OXNAD1: variants seen among roughly 807,000 people sequenced by gnomAD.
OXNAD1 encodes the protein oxidoreductase NAD-binding domain-containing protein 1.
Under a neutral mutation model 32.9 loss-of-function variants are expected in OXNAD1, and 34 were observed. That is an observed-to-expected ratio of 1.03 (90% confidence interval 0.79 to 1.38). OXNAD1 has a LOEUF of 1.38. OXNAD1 is among the 40% of genes most tolerant of loss of function. The pLI, the probability that OXNAD1 is intolerant of heterozygous loss-of-function variation, is 0.00. For missense variants in OXNAD1, 407 were observed against 379.4 expected, an observed-to-expected ratio of 1.07 and a Z score of -0.60; for synonymous variants, 134 against 135.2, an observed-to-expected ratio of 0.99 and a Z score of 0.06.
intron 2 of OXNAD1, among the ~76,000 whole-genome samples, chr3:16,270,357 T>C (rs1311874797): frequency 2.0e-5 from 3 of 152,248 alleles, no homozygotes; most frequent in Non-Finnish European, 4.4e-5. Context: ...GTAGTTGCAG[T>C]TTGTTTTCAT....
At chr3:16,272,293 G>A (rs2065003110) in intron 4 of OXNAD1, 1 of 342,132 alleles carries the variant, frequency 2.9e-6, no homozygotes, top group African/African-American at 2.2e-5. Flanking sequence ...CAAGGGCTGA[G>A]AAATAAAGGA....
chr3:16,290,810 C>T lies in OXNAD1; in HGVS notation c.291-4046C>T, dbSNP rs2066380630. Among the ~76,000 whole-genome samples the T allele has an allele frequency of 2.0e-5, 3 of 152,124 alleles. No homozygotes were observed. On this transcript the variant is annotated intron_variant, in intron 5 of 8. Coordinates refer to ENST00000285083, the MANE Select transcript of OXNAD1 (RefSeq NM_138381.5). This position sits in a 1 kb window ranked among gnomAD's most constrained non-coding sequence, Gnocchi z 4.2. Reference sequence around the variant, plus strand: ...ACTGGAAATGTAAGGCCATAGACTGCAGGAGAATATTTTTTTAAGGTCATA... The same window carrying T: ...ACTGGAAATGTAAGGCCATAGACTGTAGGAGAATATTTTTTTAAGGTCATA...
In OXNAD1 at chr3:16,297,498, A is replaced by G. The variant is rs2066881165; in HGVS notation, c.432+2501A>G. ...ATATGACCCAGCAATACCACTTCTG[A>G]GTGTCTTAGAGAAATGAAGGCTATG... is the stretch of plus-strand genomic sequence containing the variant. On this transcript the variant is annotated intron_variant, in intron 6 of 8. Coordinates refer to ENST00000285083, the MANE Select transcript of OXNAD1 (RefSeq NM_138381.5). This position sits in a 1 kb window ranked among gnomAD's most constrained non-coding sequence, Gnocchi z 4.3. Among the ~76,000 whole-genome samples the G allele has an allele frequency of 6.6e-6, 1 of 152,336 alleles. No homozygotes were observed. The highest frequency in any genetic ancestry group is 1.9e-4 in the East Asian group (1 of 5,192).
At chr3:16,318,417 T>G (rs2068671226) in intron 9 of OXNAD1, among the ~76,000 whole-genome samples, 1 of 152,232 alleles carries the variant, frequency 6.6e-6, no homozygotes, top group Non-Finnish European at 1.5e-5. Context: ...GGAATGCAGT[T>G]GCACCATCAG....
At chr3:16,282,161 T>G in intron 4 of OXNAD1, among the ~76,000 whole-genome samples, 1 of 150,452 alleles carries the variant, frequency 6.6e-6, no homozygotes, top group South Asian at 2.1e-4. Context: ...TCTGTAAATG[T>G]AAGAAAAGGG....
chr3:16,293,693 A>G (rs1325725793), intron 5 of OXNAD1, among the ~76,000 whole-genome samples: 3 of 149,326 alleles, frequency 2.0e-5, no homozygotes, highest in Non-Finnish European at 3.0e-5. Context: ...CTCTAGTACA[A>G]TGTTGAGTTG....
chr3:16,330,384 A>G (rs2070190502), intron 9 of OXNAD1, among the ~76,000 whole-genome samples: 1 of 152,250 alleles, frequency 6.6e-6, no homozygotes, highest in South Asian at 2.1e-4. Context: ...CTAAAATACA[A>G]GATGAGCCTG....
At position 16,312,974 on chromosome 3, in the gene OXNAD1, T is replaced by G. The variant is rs1204120177; in HGVS notation, c.*30+9382T>G. On this transcript the variant is annotated intron_variant, in intron 9 of 9. Coordinates refer to the OXNAD1 transcript ENST00000435829. The surrounding 1 kb of genome is among the most constrained non-coding windows in gnomAD (Gnocchi z 4.7). ...TCTGTTAAGATGGGATATACTACGC[T>G]TCAGTAGCCAATAAATCTCAAAATC... is the stretch of plus-strand genomic sequence containing the variant. Among the ~76,000 whole-genome samples, 1 of 152,150 alleles carries G rather than the reference T, an allele frequency of 6.6e-6. No homozygotes were observed. The highest frequency in any genetic ancestry group is 1.5e-5 in the Non-Finnish European group (1 of 68,030).
At chr3:16,325,699 G>A (rs1356138772) in intron 9 of OXNAD1, among the ~76,000 whole-genome samples, 7 of 152,172 alleles carry the variant, frequency 4.6e-5, no homozygotes, top group Admixed American at 2.6e-4. Flanking sequence ...AAAAGTGGCC[G>A]CAGACTGGCT....
chr3:16,287,833 A>G lies in OXNAD1; in HGVS notation c.290+1385A>G, dbSNP rs1426269263. 6.6e-6 allele frequency among the ~76,000 whole-genome samples: 1 copy of G among 152,216 alleles called. No individual in the cohort carries two copies. The highest frequency in any genetic ancestry group is 2.4e-5 in the African/African-American group (1 of 41,454). On this transcript the variant is annotated intron_variant, in intron 5 of 8. Transcript: ENST00000285083. The surrounding 1 kb of genome is among the most constrained non-coding windows in gnomAD (Gnocchi z 4.8). The stretch of plus-strand genomic sequence containing the variant: ...ATAGAGTCCTACTGTGATTCTCAAG[A>G]TGAAATGATTTGGGATTGGTGTCAT...
In OXNAD1 at chr3:16,346,634, G is replaced by A. The variant is rs935905858; in HGVS notation, c.*31-2542G>A. On this transcript the variant is annotated intron_variant, in intron 9 of 9. Coordinates refer to the OXNAD1 transcript ENST00000606098. This position sits in a 1 kb window ranked among gnomAD's most constrained non-coding sequence, Gnocchi z 4.4. Reference sequence around the variant, plus strand: ...GGACAACCATGACTCTTGACAAGTGGCATGGGTCTGTGACTCAGTCCTGGC... The same window carrying A: ...GGACAACCATGACTCTTGACAAGTGACATGGGTCTGTGACTCAGTCCTGGC... Among the ~76,000 whole-genome samples the A allele has an allele frequency of 6.6e-6, 1 of 152,148 alleles. No individual in the cohort carries two copies. Among genetic ancestry groups the A allele is most frequent in the African/African-American group, 2.4e-5 (1 of 41,434 alleles).
chr3:16,346,727 C>T lies in OXNAD1; in HGVS notation c.*31-2449C>T, dbSNP rs1434589501. On this transcript the variant is annotated intron_variant, in intron 9 of 9. Transcript: ENST00000606098. This position sits in a 1 kb window ranked among gnomAD's most constrained non-coding sequence, Gnocchi z 4.4. ...GCTTTTACTTGCTAATAAAAAGGGA[C>T]GTGTGGCAGGAAAAAACTGCCCCGT... Among the ~76,000 whole-genome samples, 8 of 152,136 alleles carry T rather than the reference C, an allele frequency of 5.3e-5. No individual in the cohort carries two copies. Among genetic ancestry groups the T allele is most frequent in the East Asian group, 3.8e-4 (2 of 5,200 alleles).
chr3:16,302,567 A>G lies in OXNAD1; in HGVS notation c.676-73A>G. ...GTGTGCAGAATGGGAGTTGAGGTTC[A>G]GCGTCAATGGTTGTGCACATCTGTT... On this transcript the variant is annotated intron_variant, in intron 7 of 8. Coordinates refer to ENST00000285083, the MANE Select transcript of OXNAD1 (RefSeq NM_138381.5). The surrounding 1 kb of genome is among the most constrained non-coding windows in gnomAD (Gnocchi z 4.2). The G allele has an allele frequency of 1.0e-6, 1 of 978,112 alleles. No individual in the cohort carries two copies. Among genetic ancestry groups the G allele is most frequent in the Non-Finnish European group, 1.6e-6 (1 of 633,002 alleles). 60.6% of individuals were successfully genotyped at this position (978,112 alleles called of 1,614,324 possible).
chr3:16,340,194 C>T (rs2071221324), downstream of OXNAD1, among the ~76,000 whole-genome samples: 1 of 152,236 alleles, frequency 6.6e-6, no homozygotes, highest in South Asian at 2.1e-4. Context: ...CCTGTTTCTC[C>T]ATCTCTTGAC....
At chr3:16,328,135 G>T (rs550373574) in intron 9 of OXNAD1, among the ~76,000 whole-genome samples, 3 of 152,360 alleles carry the variant, frequency 2.0e-5, no homozygotes, top group African/African-American at 7.2e-5. Flanking sequence ...GCACAAACAT[G>T]CCAGGAACTG....
exon 10 of OXNAD1, chr3:16,349,684 A>G (rs967931564): frequency 2.0e-5 from 3 of 152,274 alleles, no homozygotes; most frequent in African/African-American, 7.2e-5. Flanking sequence ...AAATTTGGCT[A>G]AAGTCTAAGA....
Position 16,288,354 on chromosome 3 carries a change from G to T in OXNAD1, c.290+1906G>T, listed in dbSNP as rs1422895093. Among the ~76,000 whole-genome samples, 3 of 152,260 alleles carry T rather than the reference G, an allele frequency of 2.0e-5. No individual in the cohort carries two copies. In the East Asian group the frequency reaches 5.8e-4, roughly 29 times the overall value. ...AAATCAAGGAGAGGGTTGCTGTTGG[G>T]CTTATCTTTGGGGTAAGAGATTGGG... On this transcript the variant is annotated intron_variant, in intron 5 of 8. Coordinates refer to ENST00000285083, the MANE Select transcript of OXNAD1 (RefSeq NM_138381.5). This position sits in a 1 kb window ranked among gnomAD's most constrained non-coding sequence, Gnocchi z 5.1.
intron 4 of OXNAD1, among the ~76,000 whole-genome samples, chr3:16,285,703 A>C (rs1384864333): frequency 2.0e-5 from 3 of 152,322 alleles, no homozygotes; most frequent in Admixed American, 2.0e-4. Flanking sequence ...TTTATTGTTA[A>C]GATTGTGATC....
At position 16,301,668 on chromosome 3, in the gene OXNAD1, T is replaced by G. The variant is rs1456594626; in HGVS notation, c.475T>G (p.Phe159Val). The change falls in exon 7 of 9, where the codon TTC becomes GTC. Residue 159 changes from phenylalanine to valine, a missense_variant. Physicochemically the swap from Phe to Val is conservative, Grantham distance 50 (BLOSUM62 -1). Transcript: ENST00000285083. This position sits in a 1 kb window ranked among gnomAD's most constrained non-coding sequence, Gnocchi z 4.1. Reference protein sequence around the residue: ...CEVAVRVGGEFFFDPQPADAS... With the variant: ...CEVAVRVGGEVFFDPQPADAS... ...AGTGGCTGTGAGAGTGGGTGGAGAG[T>G]TCTTCTTTGACCCTCAGCCTGCGGA... 16 of 1,612,380 alleles carry G rather than the reference T, an allele frequency of 9.9e-6. No individual in the cohort carries two copies. The highest frequency in any genetic ancestry group is 1.4e-5 in the Non-Finnish European group (16 of 1,179,522).
Sources: gnomAD v4.1 joint callset for allele counts (sites outside exome capture counted in the v4.1 genomes callset) on GRCh38, gnomAD v4.1.1 for gene constraint, Gnocchi (gnomAD v3.1) non-coding constraint, MANE v1.5 for transcripts, NCBI Gene and HGNC (gene_info 2026-07-23, HGNC 2026-07-21) for gene names.